PROS1: variants seen among roughly 807,000 people sequenced by gnomAD.
PROS1 encodes protein S.
PROS1 carries 29 observed loss-of-function variants against 75.9 expected under a neutral mutation model. The observed-to-expected ratio is 0.38, with a 90% CI of 0.28 to 0.52. The LOEUF (loss-of-function observed/expected upper bound fraction) is 0.52, where lower values mean the gene tolerates loss of function less well. Among genes scored for constraint, PROS1 ranks in the 20% least tolerant of loss-of-function variants. PROS1 has a pLI of 0.83. For missense variants in PROS1, 680 were observed against 810.3 expected (o/e 0.84, Z 1.95); for synonymous variants, 245 against 280.6 (o/e 0.87, Z 1.27).
chr3:93,897,285 T>C (rs1708515702), intron 8 of PROS1, among the ~76,000 whole-genome samples: 1 of 152,092 alleles, frequency 6.6e-6, no homozygotes, highest in Admixed American at 6.5e-5. Context: ...TCACATATGG[T>C]ATCAAGTATT....
chr3:93,952,729 A>G (rs1709523939), intron 1 of PROS1, among the ~76,000 whole-genome samples: 1 of 152,226 alleles, frequency 6.6e-6, no homozygotes, highest in South Asian at 2.1e-4. Context: ...AACTAAGATC[A>G]GAGCAGAACT....
intron 6 of PROS1, among the ~76,000 whole-genome samples, chr3:93,904,370 T>C (rs552963129): frequency 6.6e-6 from 1 of 152,322 alleles, no homozygotes; most frequent in African/African-American, 2.4e-5. Flanking sequence ...GACCTTCAAA[T>C]AGGCAGATAA....
intron 6 of PROS1, among the ~76,000 whole-genome samples, chr3:93,902,550 C>T (rs148626177): frequency 2.6e-5 from 4 of 152,090 alleles, no homozygotes; most frequent in African/African-American, 9.6e-5. Flanking sequence ...CTCAGGCGTT[C>T]AAGACCAGCC....
chr3:93,967,628 G>A (rs1204470903), intron 1 of PROS1, among the ~76,000 whole-genome samples: 2 of 152,184 alleles, frequency 1.3e-5, no homozygotes, highest in Non-Finnish European at 2.9e-5. Flanking sequence ...GCTCACACCT[G>A]TAATCCCAGC....
chr3:93,965,645 G>A (rs953283670), intron 1 of PROS1, among the ~76,000 whole-genome samples: 1 of 152,088 alleles, frequency 6.6e-6, no homozygotes. Flanking sequence ...CCACCATCTT[G>A]GGAGCTCTGT....
intron 12 of PROS1, among the ~76,000 whole-genome samples, chr3:93,882,926 G>A (rs867934242): frequency 6.6e-6 from 1 of 152,108 alleles, no homozygotes; most frequent in Non-Finnish European, 1.5e-5. Context: ...CTTGTCATTA[G>A]GACACATATG....
chr3:93,957,860 C>T (rs144717765), intron 1 of PROS1, among the ~76,000 whole-genome samples: 5 of 152,060 alleles, frequency 3.3e-5, no homozygotes, highest in East Asian at 1.9e-4. Context: ...GAGGCTGAGG[C>T]GGGTGGATCA....
chr3:93,955,566 C>T (rs544142476), intron 1 of PROS1, among the ~76,000 whole-genome samples: 68 of 150,496 alleles, frequency 4.5e-4, no homozygotes, highest in African/African-American at 1.5e-3. Flanking sequence ...TAACACAGGA[C>T]GGCCTGTCAT....
rs121918472 is a variant in PROS1 at position 93,879,306 on chromosome 3, A to C, written c.1501T>G (p.Ser501Ala). The C allele has an allele frequency of 5.0e-6, 8 of 1,613,846 alleles. No individual in the cohort carries two copies. Among genetic ancestry groups the C allele is most frequent in the Non-Finnish European group, 6.8e-6 (8 of 1,179,856 alleles). ...AQFHIDYNNV[S>A]SAEGWHVNVT... ...TTTACATGCCAACCCTCAGCACTGG[A>C]TACATTATCTATTTAAAATAATGAA... The change falls in exon 13 of 15, where the codon TCC (serine) becomes GCC (alanine). Residue 501 changes from serine to alanine, a missense_variant. By Grantham distance (99) the Ser-to-Ala change is moderately conservative. Coordinates refer to ENST00000394236, the MANE Select transcript of PROS1 (RefSeq NM_000313.4).
chr3:93,914,274 T>G (rs1489446070), intron 3 of PROS1, among the ~76,000 whole-genome samples: 4 of 152,264 alleles, frequency 2.6e-5, no homozygotes, highest in African/African-American at 9.6e-5. Context: ...AGTCTTTGCC[T>G]GGACACCCCC....
chr3:93,916,408 C>G (rs1410267746), intron 3 of PROS1, among the ~76,000 whole-genome samples: 1 of 152,092 alleles, frequency 6.6e-6, no homozygotes, highest in African/African-American at 2.4e-5. Context: ...GTTTAGAACC[C>G]CAGGCCAGAC....
chr3:93,883,113 C>G (rs1708296024), intron 12 of PROS1, among the ~76,000 whole-genome samples: 1 of 152,134 alleles, frequency 6.6e-6, no homozygotes. Context: ...CAACACCTGC[C>G]TAAGACTGAA....
chr3:93,948,956 A>G (rs1709447942), intron 1 of PROS1, among the ~76,000 whole-genome samples: 1 of 152,154 alleles, frequency 6.6e-6, no homozygotes, highest in Non-Finnish European at 1.5e-5. Context: ...CATTTTTCAG[A>G]TATTAAAAAT....
intron 1 of PROS1, among the ~76,000 whole-genome samples, chr3:93,966,547 C>T (rs1709791276): frequency 6.6e-6 from 1 of 152,116 alleles, no homozygotes; most frequent in Non-Finnish European, 1.5e-5. Context: ...TGGTTAAAGA[C>T]AATGGGAGAT....
intron 6 of PROS1, among the ~76,000 whole-genome samples, 165 bp downstream of exon 6, chr3:93,905,619 A>G (rs1014192261): frequency 1.3e-5 from 2 of 152,116 alleles, no homozygotes; most frequent in African/African-American, 4.8e-5. Flanking sequence ...AAACAAACAA[A>G]AGCTAAAAAG....
At chr3:93,913,018 C>A (rs917817666) in intron 3 of PROS1, among the ~76,000 whole-genome samples, 4 of 152,126 alleles carry the variant, frequency 2.6e-5, no homozygotes, top group Non-Finnish European at 5.9e-5. Flanking sequence ...GTGTCCCCAC[C>A]GAAAAATCTC....
intron 1 of PROS1, among the ~76,000 whole-genome samples, chr3:93,943,061 C>T (rs1206053818): frequency 2.0e-5 from 3 of 152,126 alleles, no homozygotes; most frequent in African/African-American, 7.2e-5. Flanking sequence ...TCAGTTTGGG[C>T]TTCCCACCTC....
chr3:93,892,023 T>C (rs1442610508), intron 10 of PROS1, among the ~76,000 whole-genome samples: 1 of 152,188 alleles, frequency 6.6e-6, no homozygotes, highest in Non-Finnish European at 1.5e-5. Context: ...TTGATCAGTG[T>C]TGTCTTTGCA....
intron 14 of PROS1, 45 bp downstream of exon 14, chr3:93,876,921 G>T: frequency 8.0e-7 from 1 of 1,244,768 alleles, no homozygotes; most frequent in South Asian, 1.3e-5. Context: ...TTATCGGTTT[G>T]ATTAAAATAT....
Sources: gnomAD v4.1 joint callset for allele counts (sites outside exome capture counted in the v4.1 genomes callset) on GRCh38, gnomAD v4.1.1 for gene constraint, MANE v1.5 for transcripts, NCBI Gene and HGNC (gene_info 2026-07-23, HGNC 2026-07-21) for gene names.